Variants in ROBO1 observed in about 807,000 individuals in gnomAD.
ROBO1 encodes the protein roundabout homolog 1.
A neutral mutation model predicts 195.9 loss-of-function variants in ROBO1; 149 were observed. The observed-to-expected ratio is 0.76, with a 90% CI of 0.67 to 0.87. ROBO1 has a LOEUF of 0.87. Ranked by LOEUF, ROBO1 falls within the 40% of genes least tolerant of loss-of-function variation. ROBO1 has a pLI of 0.00. For missense variants in ROBO1, 1,933 were observed against 2,068.3 expected (o/e 0.93, Z 1.27); for synonymous variants, 816 against 733.2 (o/e 1.11, Z -1.82).
At chr3:78,794,704 T>TACC (rs1214011789) in intron 4 of ROBO1, among the ~76,000 whole-genome samples, 2 of 152,152 alleles carry the variant, frequency 1.3e-5, no homozygotes, top group African/African-American at 4.8e-5. Context: ...AGCCATGTGC[T>TACC]ACCGAGTAGC....
chr3:79,137,181 C>A (rs2080426684), intron 2 of ROBO1, among the ~76,000 whole-genome samples: 1 of 151,924 alleles, frequency 6.6e-6, no homozygotes, highest in Admixed American at 6.6e-5. Flanking sequence ...TAAACAAAAA[C>A]GTTAGCCTTG....
At chr3:78,876,904 C>A (rs2035883469) in intron 4 of ROBO1, among the ~76,000 whole-genome samples, 1 of 151,724 alleles carries the variant, frequency 6.6e-6, no homozygotes, top group Non-Finnish European at 1.5e-5. Context: ...ACTATTAAGA[C>A]CCTTTATTCA....
chr3:79,760,629 G>A (rs773212759), intron 1 of ROBO1, among the ~76,000 whole-genome samples: 1 of 147,388 alleles, frequency 6.8e-6, no homozygotes, highest in South Asian at 2.1e-4. Flanking sequence ...AAAAAAACCT[G>A]AATGTTCTAT....
intron 3 of ROBO1, among the ~76,000 whole-genome samples, chr3:79,114,729 G>T (rs938439646): frequency 6.6e-6 from 1 of 152,056 alleles, no homozygotes; most frequent in Non-Finnish European, 1.5e-5. Flanking sequence ...CTGCTTTTTG[G>T]CTCACATTTT....
rs184306245 is a variant in ROBO1 at position 78,768,206 on chromosome 3, T to C, written c.500-21306A>G. Among the ~76,000 whole-genome samples the C allele has an allele frequency of 2.2e-3, 342 of 152,260 alleles. 2 individuals carry two copies. Among genetic ancestry groups the C allele is most frequent in the Middle Eastern group, 0.01 (3 of 294 alleles). On this transcript the variant is annotated intron_variant, in intron 4 of 30. Coordinates refer to ENST00000464233, the MANE Select transcript of ROBO1 (RefSeq NM_002941.4). ...CAAATGCTCATTCAGGAGCAGGTTA[T>C]TTAATTTCCATGCATTTGCCTGGTT...
chr3:79,192,233 A>G (rs2081553583), intron 2 of ROBO1, among the ~76,000 whole-genome samples: 1 of 151,638 alleles, frequency 6.6e-6, no homozygotes, highest in Admixed American at 6.6e-5. Context: ...CAACCAATTT[A>G]AAAATGTTCT....
chr3:79,280,029 T>A (rs955802855), intron 2 of ROBO1, among the ~76,000 whole-genome samples: 1 of 152,172 alleles, frequency 6.6e-6, no homozygotes, highest in African/African-American at 2.4e-5. Context: ...ATCACTCATA[T>A]ATGAAAGCTA....
At chr3:79,551,725 G>A (rs1340410425) in intron 2 of ROBO1, among the ~76,000 whole-genome samples, 4 of 151,808 alleles carry the variant, frequency 2.6e-5, no homozygotes, top group East Asian at 1.9e-4. Context: ...CCCTGGGGTG[G>A]TACTTCATCA....
chr3:79,601,724 C>T (rs1482310704), intron 1 of ROBO1, among the ~76,000 whole-genome samples: 2 of 151,900 alleles, frequency 1.3e-5, no homozygotes, highest in Non-Finnish European at 2.9e-5. Flanking sequence ...ATAGAGAATG[C>T]TTAGAAAAAC....
At chr3:79,198,207 T>A (rs544529224) in intron 2 of ROBO1, among the ~76,000 whole-genome samples, 112 of 152,234 alleles carry the variant, frequency 7.4e-4, no homozygotes, top group Middle Eastern at 3.4e-3. Flanking sequence ...CTTGAGTTAA[T>A]TTTTGTATAA....
intron 3 of ROBO1, among the ~76,000 whole-genome samples, chr3:78,958,613 T>TA (rs1477687811): frequency 1.3e-5 from 2 of 151,296 alleles, no homozygotes; most frequent in East Asian, 1.9e-4. Flanking sequence ...AACTATATAT[T>TA]AAAAAAATCC....
At chr3:78,870,433 T>C (rs527625333) in intron 4 of ROBO1, among the ~76,000 whole-genome samples, 1 of 152,194 alleles carries the variant, frequency 6.6e-6, no homozygotes, top group Non-Finnish European at 1.5e-5. Context: ...ATCCTGCAGA[T>C]TGAAGCATCT....
intron 4 of ROBO1, among the ~76,000 whole-genome samples, chr3:78,855,062 G>A (rs1012474030): frequency 2.0e-5 from 3 of 151,916 alleles, no homozygotes; most frequent in African/African-American, 7.3e-5. Context: ...CCACTGAAGA[G>A]TATGCCAATA....
At chr3:78,774,033 C>T (rs1263073638) in intron 4 of ROBO1, among the ~76,000 whole-genome samples, 2 of 152,128 alleles carry the variant, frequency 1.3e-5, no homozygotes, top group African/African-American at 2.4e-5. Flanking sequence ...AGATGCACTC[C>T]TTTTCTTACT....
At chr3:79,758,247 C>A (rs1298769132) in intron 1 of ROBO1, among the ~76,000 whole-genome samples, 1 of 152,230 alleles carries the variant, frequency 6.6e-6, no homozygotes, top group East Asian at 1.9e-4. Flanking sequence ...CTATCCAAGA[C>A]AGTAGCCACC....
chr3:79,696,099 GTATATT>G (rs1464684757), intron 1 of ROBO1, among the ~76,000 whole-genome samples: 1 of 151,332 alleles, frequency 6.6e-6, no homozygotes, highest in Non-Finnish European at 1.5e-5. Flanking sequence ...TAATACGTGA[GTATATT>G]TATGTTTGTG....
chr3:79,610,432 T>A (rs1944622580), intron 1 of ROBO1, among the ~76,000 whole-genome samples: 1 of 151,924 alleles, frequency 6.6e-6, no homozygotes, highest in South Asian at 2.1e-4. Flanking sequence ...TAACTGAAAC[T>A]TCGGAAAGCA....
At chr3:79,037,824 A>G (rs1156311426) in intron 3 of ROBO1, among the ~76,000 whole-genome samples, 1 of 152,206 alleles carries the variant, frequency 6.6e-6, no homozygotes, top group Non-Finnish European at 1.5e-5. Context: ...GGAGTTTATT[A>G]CGAACGGGAA....
chr3:78,815,674 T>A (rs1451073661), intron 4 of ROBO1, among the ~76,000 whole-genome samples: 1 of 152,158 alleles, frequency 6.6e-6, no homozygotes, highest in East Asian at 1.9e-4. Context: ...TAGGAGTAGA[T>A]TTCATCTCGA....
Sources: gnomAD v4.1 joint callset for allele counts (sites outside exome capture counted in the v4.1 genomes callset) on GRCh38, gnomAD v4.1.1 for gene constraint, MANE v1.5 for transcripts, NCBI Gene and HGNC (gene_info 2026-07-23, HGNC 2026-07-21) for gene names.